The following ADD3 variants were observed in gnomAD, a reference collection of about 807,000 sequenced individuals.
The protein encoded by ADD3 is gamma-adducin.
In ADD3, 25 loss-of-function variants were observed where a neutral mutation model predicts 80.2. The observed-to-expected ratio is 0.31, with a 90% CI of 0.23 to 0.44. The LOEUF is 0.44. ADD3 is among the 20% of genes least tolerant of loss of function. ADD3 has a pLI of 1.00. For missense variants in ADD3, 829 were observed against 847.5 expected (o/e 0.98, Z 0.27); for synonymous variants, 284 against 289.6 (o/e 0.98, Z 0.20).
At chr10:110,075,351 T>A (rs540486904) in intron 1 of ADD3, among the ~76,000 whole-genome samples, 5 of 152,192 alleles carry the variant, frequency 3.3e-5, no homozygotes, top group South Asian at 2.1e-4. Flanking sequence ...GTTTTTTTTT[T>A]AAAGCTATGA....
chr10:110,005,693 T>C (rs906500558), upstream of ADD3: 1 of 152,218 alleles, frequency 6.6e-6, no homozygotes, highest in Non-Finnish European at 1.5e-5. Context: ...CAGGGCTCTT[T>C]AAAACTGGTG....
chr10:110,004,927 C>A (rs1179148324), upstream of ADD3, among the ~76,000 whole-genome samples: 4 of 152,136 alleles, frequency 2.6e-5, no homozygotes, highest in Non-Finnish European at 5.9e-5. Context: ...TTCATATGCA[C>A]TTAGAGTCAG....
Position 110,072,088 on chromosome 10 carries a change from GTCTC to G in ADD3, c.-29-28531_-29-28528del, listed in dbSNP as rs566871841. On this transcript the variant is annotated intron_variant, in intron 1 of 14. Transcript: ENST00000356080. ...ATTTATTTATTTATTTTTAGACGGA[GTCTC>G]TCTCTGTCACCCAGGCTGGAGCGCA... 2.0e-5 allele frequency among the ~76,000 whole-genome samples: 3 copies of G among 152,278 alleles called. No individual in the cohort carries two copies. In the South Asian group the frequency reaches 6.2e-4, roughly 32 times the overall value.
chr10:110,121,945 C>G (rs780147848), intron 8 of ADD3, 165 bp from the exon 9 acceptor site: 14 of 511,024 alleles, frequency 2.7e-5, no homozygotes, highest in Non-Finnish European at 4.0e-5. Context: ...GGAAAAGATA[C>G]TTCAGCTGTC....
At chr10:110,125,500 A>G (rs1852031783) in intron 10 of ADD3, among the ~76,000 whole-genome samples, 1 of 151,754 alleles carries the variant, frequency 6.6e-6, no homozygotes, top group African/African-American at 2.4e-5. Context: ...AAGACAAAAC[A>G]CTGAATGTGA....
intron 1 of ADD3, among the ~76,000 whole-genome samples, chr10:110,029,036 T>C (rs1854665511): frequency 1.3e-5 from 2 of 152,176 alleles, no homozygotes; most frequent in African/African-American, 4.8e-5. Context: ...TGTGTCACCA[T>C]GCCCAGCTAC....
Position 110,096,508 on chromosome 10 carries a change from T to G in ADD3, c.-29-4117T>G, listed in dbSNP as rs368772247. ...ACAAAGCTTTGTGTGTTTAACAATT[T>G]ATTATTTCTCATGATTCTGTATGTT... On this transcript the variant is annotated intron_variant, in intron 1 of 14. Coordinates refer to ENST00000356080, the MANE Select transcript of ADD3 (RefSeq NM_016824.5). Among the ~76,000 whole-genome samples, 3 of 152,324 alleles carry G rather than the reference T, an allele frequency of 2.0e-5. No individual in the cohort carries two copies. The East Asian group carries it at 5.8e-4, about 29-fold the overall frequency.
chr10:110,102,747 G>A (rs906745650), intron 2 of ADD3, among the ~76,000 whole-genome samples: 5 of 152,166 alleles, frequency 3.3e-5, no homozygotes, highest in South Asian at 4.1e-4. Flanking sequence ...AAAGAGGACC[G>A]TTGAATTCTA....
intron 1 of ADD3, among the ~76,000 whole-genome samples, chr10:110,096,217 G>C (rs1848132933): frequency 6.6e-6 from 1 of 152,140 alleles, no homozygotes; most frequent in Non-Finnish European, 1.5e-5. Flanking sequence ...AGAAATCTTA[G>C]TGAGCTCCAC....
Position 110,008,141 on chromosome 10 carries a change from T to TCC in ADD3, c.-186_-185dup, listed in dbSNP as rs1836916621. 1 of 152,186 alleles carries TCC rather than the reference T, an allele frequency of 6.6e-6. No individual in the cohort carries two copies. The highest frequency in any genetic ancestry group is 2.4e-5 in the African/African-American group (1 of 41,408). The allele number at this position is 152,186 out of a possible 1,614,324, so 9.4% of individuals were successfully genotyped here. ...TGCTGCACAGGGCTCGGCGTACAGG[T>TCC]CCCTCCCTCCTCAAGCCCCCTCCCC... On this transcript the variant is annotated 5_prime_UTR_variant, in exon 1 of 15. Transcript: ENST00000356080.
At position 110,132,292 on chromosome 10, in the gene ADD3, TC is replaced by T. The variant is rs556955020; in HGVS notation, c.1733-12del. 954 of 1,603,064 alleles carry T rather than the reference TC, an allele frequency of 6.0e-4. No homozygotes were observed. The highest frequency in any genetic ancestry group is 7.7e-4 in the Non-Finnish European group (896 of 1,171,126). ...TGTTTTGCATGGCTTTTAACTAAAC[TC>T]TTATCCAACAGATGCTGAGCAGGAA... On this transcript the variant is annotated splice_polypyrimidine_tract_variant and intron_variant, in intron 13 of 14. Coordinates refer to ENST00000356080, the MANE Select transcript of ADD3 (RefSeq NM_016824.5).
intron 1 of ADD3, among the ~76,000 whole-genome samples, chr10:109,997,986 G>A (rs752910432): frequency 6.6e-6 from 1 of 152,126 alleles, no homozygotes; most frequent in African/African-American, 2.4e-5. Flanking sequence ...TATTTATTGG[G>A]TATATACTCT....
At chr10:110,001,981 A>G (rs1851494774), upstream of ADD3, among the ~76,000 whole-genome samples, 1 of 152,166 alleles carries the variant, frequency 6.6e-6, no homozygotes, top group Non-Finnish European at 1.5e-5. Flanking sequence ...TTCATTTTAA[A>G]GTTTTTCTAC....
At chr10:110,057,728 C>T (rs1027438369) in intron 1 of ADD3, among the ~76,000 whole-genome samples, 1 of 152,100 alleles carries the variant, frequency 6.6e-6, no homozygotes, top group African/African-American at 2.4e-5. Context: ...GAGACCCCAG[C>T]ATGTAAAATG....
chr10:110,036,036 A>G (rs898245736), intron 1 of ADD3, among the ~76,000 whole-genome samples: 1 of 152,030 alleles, frequency 6.6e-6, no homozygotes, highest in Non-Finnish European at 1.5e-5. Flanking sequence ...CTGTAATCCC[A>G]GCTACTCGGG....
At chr10:110,131,230 A>T (rs60151983) in intron 13 of ADD3, among the ~76,000 whole-genome samples, 1,619 of 152,292 alleles carry the variant, frequency 0.011, 32 homozygotes, top group African/African-American at 0.038. Flanking sequence ...GATTGTTAGG[A>T]TTATATTTAA....
At chr10:110,068,863 G>C (rs1211423353) in intron 1 of ADD3, among the ~76,000 whole-genome samples, 1 of 152,064 alleles carries the variant, frequency 6.6e-6, no homozygotes, top group Non-Finnish European at 1.5e-5. Context: ...GATCACTTGA[G>C]CGCAGGAGTT....
At chr10:110,070,125 G>C (rs545019186) in intron 1 of ADD3, among the ~76,000 whole-genome samples, 1 of 152,010 alleles carries the variant, frequency 6.6e-6, no homozygotes, top group Non-Finnish European at 1.5e-5. Context: ...TTTAGACCAA[G>C]CTCCAGGGTA....
chr10:110,127,549 A>G (rs1044115568), intron 12 of ADD3, among the ~76,000 whole-genome samples: 6 of 152,216 alleles, frequency 3.9e-5, no homozygotes, highest in Non-Finnish European at 8.8e-5. Context: ...CCCGGGAGGC[A>G]GAGGTTGCAG....
Sources: gnomAD v4.1 joint callset for allele counts (sites outside exome capture counted in the v4.1 genomes callset) on GRCh38, gnomAD v4.1.1 for gene constraint, MANE v1.5 for transcripts, NCBI Gene and HGNC (gene_info 2026-07-23, HGNC 2026-07-21) for gene names.